Variants in PCDH15 observed in about 807,000 individuals in gnomAD.
PCDH15 encodes protocadherin related 15.
A neutral mutation model predicts 178.5 loss-of-function variants in PCDH15; 129 were observed. The ratio of observed to expected loss-of-function variants is 0.72; its 90% CI spans 0.63 to 0.84. The LOEUF is 0.84. Among genes scored for constraint, PCDH15 ranks in the 40% least tolerant of loss-of-function variants. The pLI is 0.00. For synonymous variants in PCDH15, 800 were observed against 732.0 expected (o/e 1.09, Z -1.50); for missense variants, 2,230 against 2,099.9 (o/e 1.06, Z -1.21).
intron 2 of PCDH15, among the ~76,000 whole-genome samples, chr10:54,583,697 C>T (rs887775623): frequency 6.6e-6 from 1 of 152,034 alleles, no homozygotes; most frequent in African/African-American, 2.4e-5. Flanking sequence ...TCAGTTGCTT[C>T]AATTATAAAC....
At chr10:55,378,904 T>TCACACACACACA (rs1164603433) in intron 2 of PCDH15, among the ~76,000 whole-genome samples, 2 of 151,062 alleles carry the variant, frequency 1.3e-5, no homozygotes, top group African/African-American at 4.9e-5. Context: ...TCTCTCTCTC[T>TCACACACACACA]CTCTCACATA....
chr10:54,697,515 G>A (rs375562277), intron 1 of PCDH15, among the ~76,000 whole-genome samples: 7 of 143,112 alleles, frequency 4.9e-5, no homozygotes, highest in South Asian at 2.2e-4. Context: ...TGAAATGTGT[G>A]TATATATATA....
intron 2 of PCDH15, among the ~76,000 whole-genome samples, chr10:55,592,153 C>T (rs761483027): frequency 2.0e-5 from 3 of 152,086 alleles, no homozygotes; most frequent in Non-Finnish European, 4.4e-5. Flanking sequence ...CTTATTGCGC[C>T]GGTATTTTTC....
At chr10:55,270,868 A>T (rs1842426354) in intron 1 of PCDH15, among the ~76,000 whole-genome samples, 1 of 152,154 alleles carries the variant, frequency 6.6e-6, no homozygotes, top group Non-Finnish European at 1.5e-5. Context: ...TCACAATAAG[A>T]AAGATGTGGA....
chr10:54,832,262 G>A (rs192523250), intron 3 of PCDH15, among the ~76,000 whole-genome samples: 123 of 152,190 alleles, frequency 8.1e-4, no homozygotes, highest in African/African-American at 2.6e-3. Context: ...CTGCCCATCC[G>A]AATCAGTCAC....
chr10:54,110,318 T>TAA (rs35932845), intron 15 of PCDH15, among the ~76,000 whole-genome samples: 1,643 of 135,634 alleles, frequency 0.012, 22 homozygotes, highest in African/African-American at 0.029. Flanking sequence ...GTGGAAAGAT[T>TAA]AAAAAAAAAA....
chr10:54,419,074 T>C (rs894161740), intron 3 of PCDH15, among the ~76,000 whole-genome samples: 1 of 151,958 alleles, frequency 6.6e-6, no homozygotes, highest in Non-Finnish European at 1.5e-5. Flanking sequence ...AAAAGGTCAA[T>C]ACAACTGATA....
chr10:55,410,822 C>T (rs1046328310), intron 2 of PCDH15, among the ~76,000 whole-genome samples: 6 of 152,060 alleles, frequency 3.9e-5, no homozygotes, highest in African/African-American at 1.4e-4. Flanking sequence ...CACTCCCAGT[C>T]CCATTTCCCC....
rs2384365 is a variant in PCDH15 at position 53,996,779 on chromosome 10, C to T, written c.2752-1014G>A. Among the ~76,000 whole-genome samples the T allele has an allele frequency of 9.2e-3, 1,399 of 152,112 alleles. 23 individuals are homozygous for T. Among genetic ancestry groups the T allele is most frequent in the African/African-American group, 0.033 (1,358 of 41,522 alleles). Reference sequence around the variant, plus strand: ...TATTTATTTATAATATTTTAATAATCCTTACCCTACCGTGTTTTGGGTAGT... The same window carrying T: ...TATTTATTTATAATATTTTAATAATTCTTACCCTACCGTGTTTTGGGTAGT... On this transcript the variant is annotated intron_variant, in intron 20 of 37. Transcript: ENST00000644397.
intron 2 of PCDH15, among the ~76,000 whole-genome samples, chr10:54,907,464 G>A (rs1202143824): frequency 6.6e-6 from 1 of 152,144 alleles, no homozygotes; most frequent in East Asian, 1.9e-4. Flanking sequence ...AGTGTCATGT[G>A]ATGAAGACGT....
chr10:54,905,834 CTCT>C (rs1954710106), intron 2 of PCDH15, among the ~76,000 whole-genome samples: 1 of 152,068 alleles, frequency 6.6e-6, no homozygotes, highest in Admixed American at 6.6e-5. Context: ...AAATTTCTCC[CTCT>C]TAACATTTCC....
At chr10:54,278,935 C>T (rs1176530562) in intron 8 of PCDH15, among the ~76,000 whole-genome samples, 3 of 151,474 alleles carry the variant, frequency 2.0e-5, no homozygotes, top group Non-Finnish European at 4.4e-5. Flanking sequence ...GTTTTCTGCA[C>T]TTACTTGTTG....
At chr10:54,600,441 A>C (rs1302120081) in intron 2 of PCDH15, 7 of 579,128 alleles carry the variant, frequency 1.2e-5, no homozygotes, top group Non-Finnish European at 2.1e-5. Flanking sequence ...ACCTAGACTT[A>C]AGCCCAGCAG....
intron 3 of PCDH15, among the ~76,000 whole-genome samples, chr10:54,474,845 T>C (rs988350579): frequency 1.6e-4 from 24 of 152,002 alleles, no homozygotes; most frequent in Non-Finnish European, 2.8e-4. Context: ...ACAAATTCTT[T>C]GAACAGAGTG....
At chr10:54,491,820 T>C (rs2079621225) in intron 3 of PCDH15, among the ~76,000 whole-genome samples, 1 of 152,230 alleles carries the variant, frequency 6.6e-6, no homozygotes, top group South Asian at 2.1e-4. Context: ...TAGGAATATA[T>C]GGTAAAAGTT....
rs11003873 is a variant in PCDH15, at chr10:53,832,475, T to G, written c.3984-942A>C. 2.0e-5 allele frequency among the ~76,000 whole-genome samples: 3 copies of G among 151,810 alleles called. No homozygotes were observed. The East Asian group carries it at 5.8e-4, about 29-fold the overall frequency. On this transcript the variant is annotated intron_variant, in intron 29 of 37. Coordinates refer to ENST00000644397, the MANE Select transcript of PCDH15 (RefSeq NM_001384140.1). ...AGGTCAAACGTCTTACTATAGAATA[T>G]TGGAAAACAAAAATAGTTCAAGAAA...
intron 1 of PCDH15, among the ~76,000 whole-genome samples, chr10:55,171,394 T>C (rs1367199216): frequency 6.6e-6 from 1 of 152,202 alleles, no homozygotes; most frequent in Non-Finnish European, 1.5e-5. Flanking sequence ...AACATTTCTA[T>C]GTTCATGATA....
chr10:54,249,486 T>C (rs2056289663), intron 8 of PCDH15, among the ~76,000 whole-genome samples: 1 of 152,214 alleles, frequency 6.6e-6, no homozygotes, highest in Non-Finnish European at 1.5e-5. Context: ...TCTTGCCTGT[T>C]CATTTACTTT....
chr10:54,054,390 AG>A (rs1230038144), intron 18 of PCDH15, among the ~76,000 whole-genome samples: 1 of 152,164 alleles, frequency 6.6e-6, no homozygotes, highest in African/African-American at 2.4e-5. Flanking sequence ...AGCAGCAAGC[AG>A]GTAGTAGAAT....
Sources: allele counts gnomAD v4.1 joint callset (sites outside exome capture counted in the v4.1 genomes callset), GRCh38; gene constraint gnomAD v4.1.1; transcripts MANE v1.5; gene names NCBI Gene and HGNC (gene_info 2026-07-23, HGNC 2026-07-21).